Variants in CCT8 observed in about 807,000 individuals in gnomAD.
CCT8 encodes the protein T-complex protein 1 subunit theta.
CCT8 carries 10 observed loss-of-function variants against 65.7 expected under a neutral mutation model. That is an observed-to-expected ratio of 0.15 (90% CI 0.09 to 0.26). CCT8 has a LOEUF of 0.26. Ranked by LOEUF, CCT8 falls within the 10% of genes least tolerant of loss-of-function variation. CCT8 has a pLI of 1.00. For missense variants in CCT8, 568 were observed against 669.1 expected, an observed-to-expected ratio of 0.85 and a Z score of 1.67; for synonymous variants, 199 against 221.8, an observed-to-expected ratio of 0.90 and a Z score of 0.92.
chr21:29,073,437 C>A, intron 1 of CCT8, 94 bp downstream of exon 1: 1 of 1,595,330 alleles, frequency 6.3e-7, no homozygotes, highest in Non-Finnish European at 8.6e-7. Flanking sequence ...GCCAGGGCAG[C>A]ACGCTCAGCC....
chr21:29,061,067 G>A (rs956958197), intron 13 of CCT8, among the ~76,000 whole-genome samples, 186 bp downstream of exon 13: 1 of 152,130 alleles, frequency 6.6e-6, no homozygotes, highest in Non-Finnish European at 1.5e-5. Flanking sequence ...CAGAACAAAA[G>A]ACTATCAATA....
At chr21:29,057,788 TGTATG>T (rs2085519609) in intron 14 of CCT8, among the ~76,000 whole-genome samples, 1 of 142,532 alleles carries the variant, frequency 7.0e-6, no homozygotes, top group African/African-American at 2.7e-5. Context: ...ATATGAGATA[TGTATG>T]ATATATACAT....
intron 4 of CCT8, among the ~76,000 whole-genome samples, 154 bp from the exon 5 acceptor site, chr21:29,067,225 C>G (rs1209087899): frequency 1.3e-5 from 2 of 152,134 alleles, no homozygotes; most frequent in African/African-American, 4.8e-5. Flanking sequence ...TGAATGGAGG[C>G]TTAGATGACA....
intron 6 of CCT8, among the ~76,000 whole-genome samples, chr21:29,066,358 C>T (rs554453586): frequency 2.0e-5 from 3 of 151,952 alleles, no homozygotes; most frequent in Admixed American, 1.3e-4. Context: ...CTGACCAACA[C>T]GGAGAAACCC....
chr21:29,057,925 G>T (rs2085522325), intron 14 of CCT8: 1 of 151,862 alleles, frequency 6.6e-6, no homozygotes, highest in Admixed American at 6.6e-5. Context: ...TAAGGCAGAA[G>T]AATCACTGGA....
intron 7 of CCT8, among the ~76,000 whole-genome samples, chr21:29,063,873 TCTC>T (rs1297899858): frequency 1.3e-5 from 2 of 152,120 alleles, no homozygotes; most frequent in Non-Finnish European, 1.5e-5. Flanking sequence ...TTCAAGCGAT[TCTC>T]CTGCCTCAGC....
At chr21:29,064,399 A>G (rs1008511376) in intron 7 of CCT8, among the ~76,000 whole-genome samples, 1 of 142,774 alleles carries the variant, frequency 7.0e-6, no homozygotes, top group African/African-American at 2.6e-5. Flanking sequence ...TGGGTGACAA[A>G]GCAAGACTCT....
intron 6 of CCT8, 144 bp from the exon 7 acceptor site, chr21:29,065,249 T>A (rs2085609032): frequency 2.6e-6 from 2 of 778,546 alleles, no homozygotes; most frequent in Non-Finnish European, 4.1e-6. Context: ...AGGGGTGGAG[T>A]GGTGGACATA....
intron 6 of CCT8, among the ~76,000 whole-genome samples, chr21:29,065,898 T>C (rs1271064572): frequency 6.6e-6 from 1 of 151,142 alleles, no homozygotes; most frequent in Non-Finnish European, 1.5e-5. Context: ...CTGGCCAACA[T>C]GGTGAAACCC....
chr21:29,073,489 T>A, intron 1 of CCT8, 42 bp downstream of exon 1: 1 of 1,613,670 alleles, frequency 6.2e-7, no homozygotes, highest in Non-Finnish European at 8.5e-7. Flanking sequence ...GCCGCAGCCC[T>A]ATGCTGACGC....
chr21:29,064,982 T>A lies in CCT8; in HGVS notation c.748A>T (p.Ile250Leu). The A allele has an allele frequency of 6.2e-7, 1 of 1,613,898 alleles. No homozygotes were observed. The highest frequency in any genetic ancestry group is 8.5e-7 in the Non-Finnish European group (1 of 1,179,898). The change falls in exon 7 of 15, where the codon ATA becomes TTA. Residue 250 changes from isoleucine to leucine, a missense_variant. Transcript: ENST00000286788. The part of the protein sequence containing the change: ...AVYSCPFDGM[I>L]TETKGTVLIK... ...AGTCTACATACCTTAGTTTCTGTTA[T>A]CATGCCATCAAAAGGACAAGAGTAC...
chr21:29,067,196 T>C (rs1601094378), intron 4 of CCT8, 125 bp from the exon 5 acceptor site: 9 of 683,166 alleles, frequency 1.3e-5, no homozygotes, highest in Middle Eastern at 2.6e-4. Context: ...ATAAAACATA[T>C]AGTAGACTCT....
intron 1 of CCT8, among the ~76,000 whole-genome samples, chr21:29,072,839 T>C (rs879859924): frequency 2.6e-5 from 4 of 152,252 alleles, no homozygotes; most frequent in Admixed American, 6.5e-5. Flanking sequence ...AAGTGTTATC[T>C]GCACCCCTCT....
At position 29,060,763 on chromosome 21, in the gene CCT8, A is replaced by C. The variant is rs1044031697; in HGVS notation, c.1450-103T>G. ...AGCTCCTTAAATAGTACTGGAAAGT[A>C]ACCAAGCACAGTCCTACCTTATAGA... On this transcript the variant is annotated intron_variant, in intron 13 of 14. Coordinates refer to ENST00000286788, the MANE Select transcript of CCT8 (RefSeq NM_006585.4). 11 of 1,239,532 alleles carry C rather than the reference A, an allele frequency of 8.9e-6. No homozygotes were observed. The Admixed American group carries it at 1.2e-4, about 13-fold the overall frequency. The allele number at this position is 1,239,532 out of a possible 1,614,324, so 76.8% of individuals were successfully genotyped here. A position where few individuals can be genotyped will look rare whatever the true frequency, so the allele number is the denominator to read the frequency against.
chr21:29,061,481 C>A lies in CCT8; in HGVS notation c.1284+15G>T. ...GCAATGGAAAGAAAGTCAATTTATA[C>A]AGAAAAAGCTGTACCTCTCCATATG... On this transcript the variant is annotated intron_variant, in intron 12 of 14. Transcript: ENST00000286788. The A allele has an allele frequency of 6.2e-7, 1 of 1,613,506 alleles. No individual in the cohort carries two copies. Among genetic ancestry groups the A allele is most frequent in the Non-Finnish European group, 8.5e-7 (1 of 1,179,660 alleles).
At chr21:29,057,965 A>T (rs565946330) in intron 14 of CCT8, 1 of 152,056 alleles carries the variant, frequency 6.6e-6, no homozygotes, top group East Asian at 1.9e-4. Context: ...TGGTGAGCTG[A>T]TTATGATTGT....
chr21:29,062,654 C>G, intron 8 of CCT8, 98 bp from the exon 9 acceptor site: 1 of 887,438 alleles, frequency 1.1e-6, no homozygotes, highest in Non-Finnish European at 1.8e-6. Flanking sequence ...GCCCCCATGT[C>G]ACATTCCTTT....
intron 14 of CCT8, 83 bp downstream of exon 14, chr21:29,060,458 G>A: frequency 5.1e-6 from 7 of 1,380,242 alleles, no homozygotes; most frequent in Non-Finnish European, 7.1e-6. Flanking sequence ...TTAGAACTAT[G>A]CTATGTTCTA....
Position 29,073,572 on chromosome 21 carries a change from T to G in CCT8, c.19A>C (p.Lys7Gln). 2 of 1,614,144 alleles carry G rather than the reference T, an allele frequency of 1.2e-6. No homozygotes were observed. The change falls in exon 1 of 15, where the codon AAG (lysine) becomes CAG (glutamine). Residue 7 changes from lysine (K) to glutamine (Q), a missense_variant. Lys to Gln is a moderately conservative substitution (Grantham distance 53, BLOSUM62 1). Transcript: ENST00000286788. MALHVP[K>Q]APGFAQMLKE... The stretch of plus-strand genomic sequence containing the variant: ...AGCATCTGGGCAAAGCCCGGAGCCT[T>G]GGGAACGTGAAGCGCCATGGCCAGC...
Sources: allele counts gnomAD v4.1 joint callset (sites outside exome capture counted in the v4.1 genomes callset), GRCh38; gene constraint gnomAD v4.1.1; transcripts MANE v1.5; gene names NCBI Gene and HGNC (gene_info 2026-07-23, HGNC 2026-07-21).